Variants in AXDND1 observed in about 807,000 individuals in gnomAD.
AXDND1 encodes axonemal dynein light chain domain containing 1.
In AXDND1, 110 loss-of-function variants were observed where a neutral mutation model predicts 137.5. The observed-to-expected ratio is 0.80, with a 90% CI of 0.69 to 0.94. The LOEUF (loss-of-function observed/expected upper bound fraction) is 0.94. Ranked by LOEUF, AXDND1 falls within the 40% of genes least tolerant of loss-of-function variation. AXDND1 has a pLI of 0.00. For missense variants in AXDND1, 1,191 were observed against 1,169.8 expected (o/e 1.02, Z -0.26); for synonymous variants, 414 against 399.7 (o/e 1.04, Z -0.43).
chr1:179,431,526 T>TAAG (rs1657376608), intron 14 of AXDND1, among the ~76,000 whole-genome samples: 1 of 152,044 alleles, frequency 6.6e-6, no homozygotes, highest in Admixed American at 6.6e-5. Flanking sequence ...TAAGATGCTT[T>TAAG]GTCTGTTGAG....
chr1:179,373,093 A>G (rs1210281317), intron 4 of AXDND1, among the ~76,000 whole-genome samples: 1 of 152,228 alleles, frequency 6.6e-6, no homozygotes, highest in Non-Finnish European at 1.5e-5. Context: ...TAATGATACT[A>G]TTAAAATGGC....
At chr1:179,417,550 T>C (rs1236940382) in intron 12 of AXDND1, among the ~76,000 whole-genome samples, 3 of 152,096 alleles carry the variant, frequency 2.0e-5, no homozygotes, top group African/African-American at 7.2e-5. Context: ...GGGGGTCTAG[T>C]TTTATTGTTG....
At chr1:179,408,341 A>G (rs575316020) in intron 11 of AXDND1, among the ~76,000 whole-genome samples, 46 of 151,172 alleles carry the variant, frequency 3.0e-4, no homozygotes, top group Admixed American at 4.6e-4. Flanking sequence ...CTATCTGTGC[A>G]TCTGATTTAA....
chr1:179,480,827 G>C (rs556636978), intron 17 of AXDND1, among the ~76,000 whole-genome samples: 8 of 151,828 alleles, frequency 5.3e-5, no homozygotes, highest in South Asian at 2.1e-4. Context: ...TTTTGTCAAG[G>C]CTTGCTTCTT....
At chr1:179,384,739 T>A (rs1270733143) in intron 8 of AXDND1, among the ~76,000 whole-genome samples, 1 of 152,156 alleles carries the variant, frequency 6.6e-6, no homozygotes, top group Non-Finnish European at 1.5e-5. Flanking sequence ...ATTGTGACCT[T>A]TTCAGTGCAT....
intron 15 of AXDND1, among the ~76,000 whole-genome samples, chr1:179,442,390 A>T (rs1204140229): frequency 6.6e-6 from 1 of 152,174 alleles, no homozygotes; most frequent in Non-Finnish European, 1.5e-5. Flanking sequence ...AAAACTGAAG[A>T]ATCAACTTTA....
At chr1:179,548,445 G>C (rs1226773744) in intron 25 of AXDND1, among the ~76,000 whole-genome samples, 1 of 152,138 alleles carries the variant, frequency 6.6e-6, no homozygotes, top group Non-Finnish European at 1.5e-5. Context: ...ATGTCTGACA[G>C]CAGACCCCAA....
intron 6 of AXDND1, among the ~76,000 whole-genome samples, chr1:179,379,938 A>T (rs1206884109): frequency 6.6e-6 from 1 of 152,062 alleles, no homozygotes; most frequent in East Asian, 1.9e-4. Context: ...TGAGCCAGCC[A>T]TCCTAATACA....
intron 20 of AXDND1, among the ~76,000 whole-genome samples, chr1:179,495,724 G>A (rs1231937061): frequency 6.6e-6 from 1 of 151,582 alleles, no homozygotes; most frequent in African/African-American, 2.4e-5. Context: ...TAATAAGACT[G>A]TATAATACTA....
chr1:179,551,735 C>A, intron 25 of AXDND1: 1 of 419,270 alleles, frequency 2.4e-6, no homozygotes. Flanking sequence ...TAGGATTTTG[C>A]CAACATAGAG....
chr1:179,520,516 G>A (rs1669952980), intron 21 of AXDND1, among the ~76,000 whole-genome samples: 2 of 152,120 alleles, frequency 1.3e-5, no homozygotes, highest in South Asian at 2.1e-4. Flanking sequence ...GGGCTTAAGT[G>A]ATCCTCCTGC....
intron 25 of AXDND1, among the ~76,000 whole-genome samples, chr1:179,540,325 G>C (rs1273136937): frequency 6.6e-6 from 1 of 152,156 alleles, no homozygotes; most frequent in African/African-American, 2.4e-5. Flanking sequence ...CCCCATCTTT[G>C]TGGTTTTATC....
intron 18 of AXDND1, among the ~76,000 whole-genome samples, chr1:179,483,623 A>T (rs962428): frequency 0.32 from 48,379 of 152,084 alleles, 8,312 homozygotes; most frequent in Middle Eastern, 0.43. Flanking sequence ...GTGCTGCTAC[A>T]TTAATCCCTT....
intron 17 of AXDND1, among the ~76,000 whole-genome samples, chr1:179,476,698 G>A (rs570528102): frequency 2.6e-5 from 4 of 152,002 alleles, no homozygotes; most frequent in Non-Finnish European, 5.9e-5. Context: ...GGCACCTATT[G>A]TTTATTTTGA....
At chr1:179,491,849 A>G (rs1252940934) in intron 19 of AXDND1, 112 bp downstream of exon 19, 1 of 975,342 alleles carries the variant, frequency 1.0e-6, no homozygotes, top group African/African-American at 1.7e-5. Flanking sequence ...TGAAAGAAAT[A>G]CTAGTTCAGT....
chr1:179,504,406 C>A (rs1668332177), intron 20 of AXDND1, among the ~76,000 whole-genome samples: 2 of 152,206 alleles, frequency 1.3e-5, no homozygotes, highest in Non-Finnish European at 1.5e-5. Context: ...CACTGGCCAA[C>A]TCTATGACAC....
intron 25 of AXDND1, among the ~76,000 whole-genome samples, chr1:179,541,682 T>TA (rs150799801): frequency 0.31 from 45,851 of 147,458 alleles, 7,542 homozygotes; most frequent in Middle Eastern, 0.43. Flanking sequence ...CATAATAATA[T>TA]TGCATGATAA....
At chr1:179,375,026 A>G (rs538517455) in intron 4 of AXDND1, among the ~76,000 whole-genome samples, 10 of 151,956 alleles carry the variant, frequency 6.6e-5, no homozygotes, top group Non-Finnish European at 1.3e-4. Flanking sequence ...TTAAAAAAAT[A>G]CAAAAGGCTG....
intron 9 of AXDND1, among the ~76,000 whole-genome samples, chr1:179,390,378 C>G (rs1050175138): frequency 3.9e-5 from 6 of 152,146 alleles, no homozygotes; most frequent in African/African-American, 1.4e-4. Flanking sequence ...CATCTGTGAT[C>G]ACTTCCAAAT....
Sources: allele counts gnomAD v4.1 joint callset (sites outside exome capture counted in the v4.1 genomes callset), GRCh38; gene constraint gnomAD v4.1.1; transcripts MANE v1.5; gene names NCBI Gene and HGNC (gene_info 2026-07-23, HGNC 2026-07-21).